FTCDNL1: variants seen among roughly 807,000 people sequenced by gnomAD.
FTCDNL1 encodes the protein formiminotransferase N-terminal subdomain-containing protein.
A neutral mutation model predicts 5.9 loss-of-function variants in FTCDNL1; 11 were observed. The ratio of observed to expected loss-of-function variants is 1.87; its 90% CI spans 1.18 to 3.10. The LOEUF (loss-of-function observed/expected upper bound fraction) is 3.10, where lower values mean the gene tolerates loss of function less well. Ranked by LOEUF, FTCDNL1 falls within the 30% of genes most tolerant of loss-of-function variation. FTCDNL1 has a pLI of 0.00. For missense variants in FTCDNL1, 115 were observed against 65.5 expected (o/e 1.76, Z -2.61); for synonymous variants, 58 against 24.8 (o/e 2.34, Z -3.99).
chr2:199,701,402 CT>C, the FTCDNL1 span, among the ~76,000 whole-genome samples: 1 of 148,294 alleles, frequency 6.7e-6, no homozygotes, highest in Non-Finnish European at 1.5e-5. Context: ...TTATAAACTG[CT>C]GGTGGGAATG....
chr2:199,748,323 ACT>A, the FTCDNL1 span, among the ~76,000 whole-genome samples: 1 of 152,206 alleles, frequency 6.6e-6, no homozygotes, highest in East Asian at 1.9e-4. Flanking sequence ...AAACAAAGCT[ACT>A]GATTTTAAGA....
intron 3 of FTCDNL1, among the ~76,000 whole-genome samples, chr2:199,843,438 C>A (rs193004246): frequency 6.6e-6 from 1 of 152,150 alleles, no homozygotes; most frequent in Non-Finnish European, 1.5e-5. Context: ...TCCCCACCCC[C>A]CCATGCTGAA....
At chr2:199,835,103 A>G (rs1171858306) in intron 3 of FTCDNL1, among the ~76,000 whole-genome samples, 11 of 152,244 alleles carry the variant, frequency 7.2e-5, no homozygotes, top group African/African-American at 2.6e-4. Flanking sequence ...ACTTGAGCCC[A>G]GGAGGTCAAG....
intron 3 of FTCDNL1, among the ~76,000 whole-genome samples, chr2:199,784,734 G>A (rs1357100126): frequency 1.3e-5 from 2 of 152,176 alleles, no homozygotes; most frequent in African/African-American, 2.4e-5. Context: ...TCTCCCCAGG[G>A]AGGAAGTGTG....
At chr2:199,742,518 C>G in the FTCDNL1 span, among the ~76,000 whole-genome samples, 1 of 152,164 alleles carries the variant, frequency 6.6e-6, no homozygotes, top group Admixed American at 6.5e-5. Flanking sequence ...GCAATTTTAT[C>G]TCTTCTTAAA....
At chr2:199,845,972 G>T in intron 3 of FTCDNL1, 103 bp downstream of exon 3, 1 of 533,822 alleles carries the variant, frequency 1.9e-6, no homozygotes, top group Admixed American at 3.2e-5. Context: ...CTTAATAGAG[G>T]GGAGTATTCA....
chr2:199,812,842 G>GA (rs1316154657), intron 4 of FTCDNL1, 118 bp from the exon 5 acceptor site: 1 of 589,424 alleles, frequency 1.7e-6, no homozygotes, highest in Non-Finnish European at 3.0e-6. Flanking sequence ...TTATCAAAAA[G>GA]AAAAAGAAAC....
At chr2:199,792,748 C>T (rs1699992131) in intron 3 of FTCDNL1, among the ~76,000 whole-genome samples, 2 of 152,162 alleles carry the variant, frequency 1.3e-5, no homozygotes, top group Admixed American at 6.5e-5. Flanking sequence ...TTTATCTCCT[C>T]GTGTCTCTGC....
At chr2:199,834,080 T>A (rs1049779896) in intron 3 of FTCDNL1, among the ~76,000 whole-genome samples, 3 of 152,128 alleles carry the variant, frequency 2.0e-5, no homozygotes, top group African/African-American at 7.2e-5. Flanking sequence ...ATTGCAGATG[T>A]AATGAGTTAA....
chr2:199,736,131 G>C, the FTCDNL1 span, among the ~76,000 whole-genome samples: 1 of 152,186 alleles, frequency 6.6e-6, no homozygotes, highest in East Asian at 1.9e-4. Flanking sequence ...TTTAAAACTG[G>C]CTTTCTGATA....
At chr2:199,777,701 TGA>T (rs1699162363) in intron 3 of FTCDNL1, among the ~76,000 whole-genome samples, 1 of 152,002 alleles carries the variant, frequency 6.6e-6, no homozygotes, top group Non-Finnish European at 1.5e-5. Flanking sequence ...GGGAAAAGGG[TGA>T]CTCTAAAGCA....
chr2:199,666,395 C>CA, the FTCDNL1 span, among the ~76,000 whole-genome samples: 210 of 152,250 alleles, frequency 1.4e-3, 3 homozygotes, highest in Non-Finnish European at 5.9e-5. Flanking sequence ...ATACTCTAAA[C>CA]AAAAAACAAG....
the FTCDNL1 span, among the ~76,000 whole-genome samples, chr2:199,712,821 C>T: frequency 1.3e-5 from 2 of 152,182 alleles, no homozygotes; most frequent in African/African-American, 2.4e-5. Context: ...TGTGTCTTCA[C>T]ATTGTCTTCT....
the FTCDNL1 span, among the ~76,000 whole-genome samples, chr2:199,740,623 A>G: frequency 6.6e-6 from 1 of 152,140 alleles, no homozygotes. Context: ...GCTGCAGGGG[A>G]GAAAGGCCCA....
chr2:199,789,797 A>G (rs1442919826), intron 3 of FTCDNL1, among the ~76,000 whole-genome samples: 1 of 152,188 alleles, frequency 6.6e-6, no homozygotes, highest in Non-Finnish European at 1.5e-5. Flanking sequence ...CTAAATATCA[A>G]TATATTTTCT....
chr2:199,788,730 AC>A (rs1699779958), intron 3 of FTCDNL1, among the ~76,000 whole-genome samples: 1 of 152,108 alleles, frequency 6.6e-6, no homozygotes, highest in African/African-American at 2.4e-5. Context: ...GAAAGAATAA[AC>A]AAATTACAAA....
At chr2:199,679,288 A>G in the FTCDNL1 span, among the ~76,000 whole-genome samples, 3 of 152,078 alleles carry the variant, frequency 2.0e-5, no homozygotes, top group South Asian at 6.2e-4. Context: ...TTGTTATGTC[A>G]TCTTTATAAT....
the FTCDNL1 span, among the ~76,000 whole-genome samples, chr2:199,683,323 T>C: frequency 1.3e-5 from 2 of 152,158 alleles, no homozygotes; most frequent in African/African-American, 2.4e-5. Context: ...ATGACTATTA[T>C]AAGCCATGAT....
chr2:199,666,739 G>A, the FTCDNL1 span, among the ~76,000 whole-genome samples: 410 of 151,880 alleles, frequency 2.7e-3, 4 homozygotes, highest in African/African-American at 9.4e-3. Context: ...ACATGGTGAA[G>A]CCCCGTCTCT....
Sources: gnomAD v4.1 joint callset for allele counts (sites outside exome capture counted in the v4.1 genomes callset) on GRCh38, gnomAD v4.1.1 for gene constraint, MANE v1.5 for transcripts, NCBI Gene and HGNC (gene_info 2026-07-23, HGNC 2026-07-21) for gene names.